The following ZNF140 variants were observed in gnomAD, a reference collection of about 807,000 sequenced individuals.
ZNF140 encodes zinc finger protein 140 (clone pHZ-39).
A neutral mutation model predicts 12.9 loss-of-function variants in ZNF140; 13 were observed. The ratio of observed to expected loss-of-function variants is 1.01; its 90% CI spans 0.66 to 1.60. The LOEUF (loss-of-function observed/expected upper bound fraction) is 1.60, where lower values mean the gene tolerates loss of function less well. ZNF140 is among the 40% of genes most tolerant of loss of function. The pLI is 0.00. For missense variants in ZNF140, 531 were observed against 548.8 expected (o/e 0.97, Z 0.32); for synonymous variants, 214 against 186.7 (o/e 1.15, Z -1.19).
intron 4 of ZNF140, among the ~76,000 whole-genome samples, chr12:133,104,384 C>T (rs1176656963): frequency 1.3e-5 from 2 of 149,802 alleles, no homozygotes; most frequent in East Asian, 1.9e-4. Flanking sequence ...CAGACTCTCG[C>T]TCTGTCACCC....
intron 4 of ZNF140, among the ~76,000 whole-genome samples, chr12:133,087,635 A>G (rs1201876406): frequency 3.9e-5 from 6 of 152,174 alleles, no homozygotes; most frequent in Admixed American, 2.0e-4. Flanking sequence ...ATTTCTAACA[A>G]ATGACCAGAT....
rs1391632819 is a variant in ZNF140 at position 133,084,764 on chromosome 12, A to G, written c.232+1203A>G. ...GGACTGATGAAACAGATGTCATGAA[A>G]ACTGAGCTGTAGCTTTAAGGAAGAG... On this transcript the variant is annotated intron_variant, in intron 4 of 4. Transcript: ENST00000355557. Among the ~76,000 whole-genome samples the G allele has an allele frequency of 2.0e-5, 3 of 152,304 alleles. No individual in the cohort carries two copies. The East Asian group carries it at 5.8e-4, about 29-fold the overall frequency.
intron 4 of ZNF140, among the ~76,000 whole-genome samples, chr12:133,095,836 A>G (rs956442272): frequency 6.6e-6 from 1 of 151,950 alleles, no homozygotes; most frequent in Non-Finnish European, 1.5e-5. Flanking sequence ...ATCTCAGCGG[A>G]GTAAAGAATA....
At chr12:133,081,976 G>C (rs1304162124) in intron 2 of ZNF140, 1 of 154,986 alleles carries the variant, frequency 6.5e-6, no homozygotes, top group African/African-American at 2.4e-5. Flanking sequence ...CCTTCCAAGT[G>C]ATTCTAATGT....
At chr12:133,104,869 G>GTTTTT (rs1955528548) in intron 4 of ZNF140, among the ~76,000 whole-genome samples, 1 of 152,070 alleles carries the variant, frequency 6.6e-6, no homozygotes, top group East Asian at 1.9e-4. Flanking sequence ...TGTCATGGGG[G>GTTTTT]TTTGGTGTGC....
chr12:133,083,197 T>G lies in ZNF140; in HGVS notation c.104T>G (p.Met35Arg). 6.2e-7 allele frequency: 1 copy of G among 1,614,072 alleles called. No homozygotes were observed. Among genetic ancestry groups the G allele is most frequent in the Non-Finnish European group, 8.5e-7 (1 of 1,179,926 alleles). ...CAAAGAGATTTGTACAGATGTGTAA[T>G]GTTGGAGAACTATGGCCATCTGGTC... ...PAQRDLYRCV[M>R]LENYGHLVSL... The change falls in exon 3 of 5, where the codon ATG (methionine) becomes AGG (arginine). Residue 35 changes from methionine to arginine, a missense_variant. Coordinates refer to ENST00000355557, the MANE Select transcript of ZNF140 (RefSeq NM_003440.4).
chr12:133,087,737 G>T (rs1455436117), intron 4 of ZNF140, among the ~76,000 whole-genome samples: 1 of 152,150 alleles, frequency 6.6e-6, no homozygotes, highest in Non-Finnish European at 1.5e-5. Flanking sequence ...TTGCATACCT[G>T]TTATTTCTTC....
intron 4 of ZNF140, among the ~76,000 whole-genome samples, chr12:133,100,678 A>G (rs1265885617): frequency 6.6e-6 from 1 of 152,194 alleles, no homozygotes; most frequent in East Asian, 1.9e-4. Flanking sequence ...CCATTAAGGA[A>G]GCACTTTGTA....
At chr12:133,089,603 G>T (rs1436636371) in intron 4 of ZNF140, among the ~76,000 whole-genome samples, 1 of 152,094 alleles carries the variant, frequency 6.6e-6, no homozygotes, top group Non-Finnish European at 1.5e-5. Context: ...TCAAGGAATT[G>T]GACCATTTTA....
At chr12:133,086,593 CT>C (rs766139420) in intron 4 of ZNF140, among the ~76,000 whole-genome samples, 9 of 151,836 alleles carry the variant, frequency 5.9e-5, no homozygotes, top group African/African-American at 1.5e-4. Flanking sequence ...TCACATGTGG[CT>C]TTTTTTTAAC....
At chr12:133,093,253 A>G (rs1399863748) in intron 4 of ZNF140, among the ~76,000 whole-genome samples, 1 of 151,266 alleles carries the variant, frequency 6.6e-6, no homozygotes, top group African/African-American at 2.4e-5. Context: ...TATCTATCCA[A>G]GTAATTGTCT....
intron 4 of ZNF140, among the ~76,000 whole-genome samples, chr12:133,095,189 C>T (rs1955024551): frequency 6.6e-6 from 1 of 151,084 alleles, no homozygotes; most frequent in Non-Finnish European, 1.5e-5. Flanking sequence ...GTTCCCTGTT[C>T]TGGAAACCAT....
Position 133,106,481 on chromosome 12 carries a change from C to G in ZNF140, c.1204C>G (p.Leu402Val), listed in dbSNP as rs780164629. Residue 402 changes from leucine to valine, a missense_variant, in exon 5 of 5, where the codon CTA (leucine) becomes GTA (valine). Transcript: ENST00000355557. ...CTTCAGCCGGAGCTTTTCCCTCATT[C>G]TACATCAGAGAACTCATACTGGAGA... ...KAFSRSFSLI[L>V]HQRTHTGEKP... is the part of the protein sequence containing the mutation. 6.2e-7 allele frequency: 1 copy of G among 1,613,996 alleles called. No homozygotes were observed. The highest frequency in any genetic ancestry group is 8.5e-7 in the Non-Finnish European group (1 of 1,179,960).
intron 4 of ZNF140, among the ~76,000 whole-genome samples, chr12:133,089,603 G>A (rs1436636371): frequency 6.6e-6 from 1 of 152,094 alleles, no homozygotes; most frequent in Non-Finnish European, 1.5e-5. Context: ...TCAAGGAATT[G>A]GACCATTTTA....
At chr12:133,105,363 T>A in intron 4 of ZNF140, 147 bp from the exon 5 acceptor site, 1 of 746,118 alleles carries the variant, frequency 1.3e-6, no homozygotes, top group Non-Finnish European at 2.1e-6. Flanking sequence ...GTTCTGGGCA[T>A]ACTACTCAGA....
chr12:133,095,877 C>T (rs919692681), intron 4 of ZNF140, among the ~76,000 whole-genome samples: 40 of 152,080 alleles, frequency 2.6e-4, no homozygotes, highest in Non-Finnish European at 4.4e-4. Flanking sequence ...ACATATCTCG[C>T]CTCCCACCAT....
intron 4 of ZNF140, among the ~76,000 whole-genome samples, chr12:133,095,346 C>T (rs76593929): frequency 8.0e-5 from 12 of 150,852 alleles, no homozygotes; most frequent in Non-Finnish European, 1.2e-4. Flanking sequence ...TGGATTCCTC[C>T]GAGCGCACAA....
rs915293096 is a variant in ZNF140 at position 133,083,222 on chromosome 12, C to G, written c.129C>G (p.Val43=). 3.1e-6 allele frequency: 5 copies of G among 1,612,430 alleles called. No individual in the cohort carries two copies. Among genetic ancestry groups the G allele is most frequent in the Middle Eastern group, 1.7e-4 (1 of 5,994 alleles). The change falls in exon 3 of 5, where the codon GTC becomes GTG. Residue 43 remains valine (V), a synonymous_variant. Coordinates refer to ENST00000355557, the MANE Select transcript of ZNF140 (RefSeq NM_003440.4). ...TGTTGGAGAACTATGGCCATCTGGTCTCACTGGGTAAGTATTCTTCTTCAT... is the reference window on the plus strand; with the variant it reads ...TGTTGGAGAACTATGGCCATCTGGTGTCACTGGGTAAGTATTCTTCTTCAT... ...CVMLENYGHL[V]SLGLSISKPD...
Position 133,106,635 on chromosome 12 carries a change from T to C in ZNF140, c.1358T>C (p.Leu453Pro). 6.3e-7 allele frequency: 1 copy of C among 1,588,728 alleles called. No homozygotes were observed. Among genetic ancestry groups the C allele is most frequent in the Non-Finnish European group, 8.5e-7 (1 of 1,171,350 alleles). Residue 453 changes from leucine (L) to proline (P), a missense_variant, in exon 5 of 5, where the codon CTT (leucine) becomes CCT (proline). Coordinates refer to ENST00000355557, the MANE Select transcript of ZNF140 (RefSeq NM_003440.4). ...AATTCATTTAATTACCACTCATTCC[T>C]TACTGAACACCAGTGAATTTACACT... ...YENSFNYHSF[L>P]TEHQ
Sources: allele counts gnomAD v4.1 joint callset (sites outside exome capture counted in the v4.1 genomes callset), GRCh38; gene constraint gnomAD v4.1.1; transcripts MANE v1.5; gene names NCBI Gene and HGNC (gene_info 2026-07-23, HGNC 2026-07-21).